Variants in ADIPOR2 observed in about 807,000 individuals in gnomAD.
ADIPOR2 encodes the protein adiponectin receptor 2.
ADIPOR2 carries 18 observed loss-of-function variants against 40.9 expected under a neutral mutation model. The ratio of observed to expected loss-of-function variants is 0.44; its 90% CI spans 0.30 to 0.65. The LOEUF (loss-of-function observed/expected upper bound fraction) is 0.65. Ranked by LOEUF, ADIPOR2 falls within the 30% of genes least tolerant of loss-of-function variation. The pLI is 0.09. For missense variants in ADIPOR2, 283 were observed against 479.2 expected (o/e 0.59, Z 3.82); for synonymous variants, 165 against 166.4 (o/e 0.99, Z 0.06).
chr12:1,751,019 T>C (rs76249684), intron 1 of ADIPOR2, among the ~76,000 whole-genome samples: 1 of 145,482 alleles, frequency 6.9e-6, no homozygotes, highest in African/African-American at 2.5e-5. Flanking sequence ...ACTTGTTTGC[T>C]TTTTTTTTTT....
chr12:1,766,128 T>C (rs1313241923), intron 2 of ADIPOR2, among the ~76,000 whole-genome samples: 1 of 152,222 alleles, frequency 6.6e-6, no homozygotes, highest in Non-Finnish European at 1.5e-5. Flanking sequence ...TGGTGAGTGC[T>C]GTGTGGTTTT....
At position 1,780,455 on chromosome 12, in the gene ADIPOR2, T is replaced by C. The variant is rs1318706562; in HGVS notation, c.468T>C (p.Cys156=). The change falls in exon 5 of 8, where the codon TGT becomes TGC. Residue 156 remains cysteine (C), a synonymous_variant. Transcript: ENST00000357103. ...TTTCTGTGCTCTTTTTCCTAGGTTGTGTATTCTTCCTGTGCCTGGGGATCT... is the reference window on the plus strand; with the variant it reads ...TTTCTGTGCTCTTTTTCCTAGGTTGCGTATTCTTCCTGTGCCTGGGGATCT... The part of the protein sequence containing the change: ...TGNIWTHLLG[C]VFFLCLGIFY... 3.7e-6 allele frequency: 6 copies of C among 1,607,676 alleles called. No individual in the cohort carries two copies.
At chr12:1,764,141 C>T (rs1286171314) in intron 2 of ADIPOR2, among the ~76,000 whole-genome samples, 1 of 152,088 alleles carries the variant, frequency 6.6e-6, no homozygotes, top group African/African-American at 2.4e-5. Context: ...GTTTCATTTT[C>T]CTTACATTAA....
chr12:1,785,920 C>T (rs757053727), intron 7 of ADIPOR2, 24 bp from the exon 8 acceptor site: 36 of 1,613,104 alleles, frequency 2.2e-5, no homozygotes, highest in Non-Finnish European at 3.1e-5. Context: ...TCTCTACCCC[C>T]TTCTCTTCTT....
At chr12:1,719,034 G>A (rs959105037) in intron 1 of ADIPOR2, among the ~76,000 whole-genome samples, 2 of 152,146 alleles carry the variant, frequency 1.3e-5, no homozygotes, top group Admixed American at 6.5e-5. Flanking sequence ...ACCAGGGCTC[G>A]AGAATGCCTG....
intron 2 of ADIPOR2, chr12:1,757,752 A>G (rs553617700): frequency 2.6e-5 from 30 of 1,173,982 alleles, no homozygotes; most frequent in Admixed American, 2.0e-4. Flanking sequence ...TGCTGATGAC[A>G]TCCATGAATC....
At chr12:1,704,937 T>C (rs951852773) in intron 1 of ADIPOR2, among the ~76,000 whole-genome samples, 2 of 152,360 alleles carry the variant, frequency 1.3e-5, no homozygotes, top group South Asian at 4.1e-4. Context: ...AGTTTATTTT[T>C]AGATTTCTTA....
intron 1 of ADIPOR2, among the ~76,000 whole-genome samples, chr12:1,706,098 G>A (rs1157893017): frequency 6.6e-6 from 1 of 152,178 alleles, no homozygotes; most frequent in Admixed American, 6.5e-5. Context: ...GATGTGGGAA[G>A]AAGGGAACTA....
chr12:1,742,633 A>C (rs2094745549), intron 1 of ADIPOR2, among the ~76,000 whole-genome samples: 1 of 152,240 alleles, frequency 6.6e-6, no homozygotes, highest in Non-Finnish European at 1.5e-5. Context: ...TAGCGTTTGC[A>C]TATAACCTAA....
chr12:1,769,328 C>G (rs1274639822), intron 2 of ADIPOR2, among the ~76,000 whole-genome samples: 1 of 152,172 alleles, frequency 6.6e-6, no homozygotes, highest in African/African-American at 2.4e-5. Context: ...ACTTTATCCT[C>G]TCTCTAACCC....
Position 1,743,888 on chromosome 12 carries a change from G to T in ADIPOR2, c.-86-10370G>T, listed in dbSNP as rs182906006. ...ACTTTTTTATTACATTAAAAAACAG[G>T]ACTCTGGGAATTGTCACTTTATGAT... On this transcript the variant is annotated intron_variant, in intron 1 of 7. Transcript: ENST00000357103. Among the ~76,000 whole-genome samples, 993 of 152,140 alleles carry T rather than the reference G, an allele frequency of 6.5e-3. 15 individuals are homozygous for T. The highest frequency in any genetic ancestry group is 0.023 in the African/African-American group (959 of 41,494).
intron 1 of ADIPOR2, among the ~76,000 whole-genome samples, chr12:1,712,821 A>T (rs2094680265): frequency 6.6e-6 from 1 of 152,128 alleles, no homozygotes; most frequent in Non-Finnish European, 1.5e-5. Flanking sequence ...AAGCCAGTAT[A>T]GGCTGTATTC....
At chr12:1,727,150 TC>T (rs1255397694) in intron 1 of ADIPOR2, among the ~76,000 whole-genome samples, 1 of 152,242 alleles carries the variant, frequency 6.6e-6, no homozygotes, top group Non-Finnish European at 1.5e-5. Flanking sequence ...AAATGTTAAC[TC>T]CTGTAAAACC....
At chr12:1,746,767 C>T (rs909383408) in intron 1 of ADIPOR2, among the ~76,000 whole-genome samples, 20 of 152,150 alleles carry the variant, frequency 1.3e-4, no homozygotes, top group Middle Eastern at 3.2e-3. Flanking sequence ...TGGTGGCTCA[C>T]GCCTATAATC....
chr12:1,720,677 G>A (rs1400166800), intron 1 of ADIPOR2, among the ~76,000 whole-genome samples: 1 of 152,192 alleles, frequency 6.6e-6, no homozygotes, highest in Non-Finnish European at 1.5e-5. Context: ...GGGAGCAGCT[G>A]TAAACACAGA....
chr12:1,701,127 CT>C (rs34379541), intron 1 of ADIPOR2, among the ~76,000 whole-genome samples: 9,473 of 123,656 alleles, frequency 0.077, 297 homozygotes, highest in Middle Eastern at 0.12. Flanking sequence ...TGGTGTTGAT[CT>C]TTTTTTTTTT....
chr12:1,701,685 A>T (rs772105876), intron 1 of ADIPOR2, among the ~76,000 whole-genome samples: 4 of 152,262 alleles, frequency 2.6e-5, no homozygotes, highest in Admixed American at 6.5e-5. Flanking sequence ...ATATGAATAT[A>T]GCCAGATAAA....
chr12:1,761,783 C>G (rs1364484138), intron 2 of ADIPOR2, among the ~76,000 whole-genome samples: 1 of 152,224 alleles, frequency 6.6e-6, no homozygotes, highest in Non-Finnish European at 1.5e-5. Context: ...CCACCATCTT[C>G]CATCTGGAAT....
intron 3 of ADIPOR2, among the ~76,000 whole-genome samples, chr12:1,775,856 C>T (rs1428506880): frequency 2.6e-4 from 2 of 7,568 alleles, no homozygotes; most frequent in African/African-American, 2.8e-4. Flanking sequence ...GATCCCTGAT[C>T]CCCTTTCTCT....
Sources: gnomAD v4.1 joint callset for allele counts (sites outside exome capture counted in the v4.1 genomes callset) on GRCh38, gnomAD v4.1.1 for gene constraint, MANE v1.5 for transcripts, NCBI Gene and HGNC (gene_info 2026-07-23, HGNC 2026-07-21) for gene names.